The following CFAP210 variants were observed in gnomAD, a reference collection of about 807,000 sequenced individuals.
The protein encoded by CFAP210 is cilia- and flagella- associated protein 210.
chr2:169,674,628 C>G, the CFAP210 span: 1 of 1,609,096 alleles, frequency 6.2e-7, no homozygotes, highest in Non-Finnish European at 8.5e-7. Context: ...CGTTTTTCTG[C>G]TTTTTCTTGT....
the CFAP210 span, among the ~76,000 whole-genome samples, chr2:169,653,054 ATATATATATATATGTATGTGTG>A: frequency 9.7e-5 from 10 of 102,602 alleles, no homozygotes; most frequent in Admixed American, 4.4e-4. Flanking sequence ...ATATATATAT[ATATATATATATATGTATGTGTG>A]TATATATATG....
the CFAP210 span, among the ~76,000 whole-genome samples, chr2:169,680,481 G>T: frequency 6.6e-6 from 1 of 152,172 alleles, no homozygotes; most frequent in Non-Finnish European, 1.5e-5. Context: ...GTTTGTAATA[G>T]CCAAAAAGGG....
the CFAP210 span, among the ~76,000 whole-genome samples, chr2:169,674,222 G>A: frequency 6.6e-6 from 1 of 152,186 alleles, no homozygotes; most frequent in Non-Finnish European, 1.5e-5. Context: ...TACACATGGA[G>A]CGGATCAGAA....
At chr2:169,692,546 C>A in the CFAP210 span, among the ~76,000 whole-genome samples, 1 of 151,604 alleles carries the variant, frequency 6.6e-6, no homozygotes, top group Admixed American at 6.6e-5. Flanking sequence ...TATAATGAAC[C>A]CATTCCCCAG....
At chr2:169,687,403 T>C in the CFAP210 span, among the ~76,000 whole-genome samples, 1 of 152,184 alleles carries the variant, frequency 6.6e-6, no homozygotes, top group African/African-American at 2.4e-5. Flanking sequence ...AGCTAGTTAC[T>C]TCCTAGATAC....
chr2:169,660,421 GTTT>G, the CFAP210 span, among the ~76,000 whole-genome samples: 2 of 148,088 alleles, frequency 1.4e-5, no homozygotes, highest in South Asian at 4.3e-4. Context: ...TCATTTCACT[GTTT>G]TTTTTTGTTT....
the CFAP210 span, among the ~76,000 whole-genome samples, chr2:169,683,801 G>T: frequency 6.6e-6 from 1 of 152,134 alleles, no homozygotes; most frequent in South Asian, 2.1e-4. Flanking sequence ...TCTTTTCATG[G>T]ACTCTGACAC....
At chr2:169,657,923 G>A in the CFAP210 span, among the ~76,000 whole-genome samples, 5 of 151,912 alleles carry the variant, frequency 3.3e-5, no homozygotes, top group African/African-American at 1.2e-4. Context: ...TAAAAGATAA[G>A]CTTTTCATAC....
At chr2:169,664,254 C>G in the CFAP210 span, among the ~76,000 whole-genome samples, 2 of 151,950 alleles carry the variant, frequency 1.3e-5, no homozygotes, top group African/African-American at 4.8e-5. Flanking sequence ...AATTCTAAGA[C>G]CAGAAGCTTT....
At chr2:169,691,502 T>C in the CFAP210 span, among the ~76,000 whole-genome samples, 3 of 152,126 alleles carry the variant, frequency 2.0e-5, no homozygotes, top group Non-Finnish European at 4.4e-5. Flanking sequence ...CCACCCCTAC[T>C]TCTGTAGACA....
At chr2:169,677,464 TAATCTC>T in the CFAP210 span, among the ~76,000 whole-genome samples, 1 of 152,324 alleles carries the variant, frequency 6.6e-6, no homozygotes, top group Non-Finnish European at 1.5e-5. Context: ...AACCTCGTGA[TAATCTC>T]AATAGACATC....
At chr2:169,669,022 T>C in the CFAP210 span, among the ~76,000 whole-genome samples, 474 of 152,304 alleles carry the variant, frequency 3.1e-3, 1 homozygote, top group African/African-American at 0.011. Context: ...AAGGTATGTC[T>C]ATAAATAGAC....
the CFAP210 span, among the ~76,000 whole-genome samples, chr2:169,690,257 G>A: frequency 6.6e-6 from 1 of 152,166 alleles, no homozygotes; most frequent in Non-Finnish European, 1.5e-5. Context: ...TCTGATGTTG[G>A]TATCAGGGTA....
chr2:169,665,090 G>A, the CFAP210 span, among the ~76,000 whole-genome samples: 1 of 152,206 alleles, frequency 6.6e-6, no homozygotes, highest in African/African-American at 2.4e-5. Flanking sequence ...CTGAGGAAAA[G>A]TTTCTGAGCA....
chr2:169,670,887 G>T, the CFAP210 span, among the ~76,000 whole-genome samples: 3 of 152,200 alleles, frequency 2.0e-5, no homozygotes, highest in South Asian at 6.2e-4. Context: ...GAGATAAATT[G>T]GGCTCCATCC....
At chr2:169,661,608 C>T in the CFAP210 span, among the ~76,000 whole-genome samples, 12 of 152,166 alleles carry the variant, frequency 7.9e-5, no homozygotes, top group African/African-American at 2.2e-4. Context: ...ACAACAGACA[C>T]CAAACATAAA....
At chr2:169,672,553 G>C in the CFAP210 span, among the ~76,000 whole-genome samples, 1 of 152,214 alleles carries the variant, frequency 6.6e-6, no homozygotes, top group African/African-American at 2.4e-5. Context: ...CCAGCAAGCT[G>C]CTGGTGCAAG....
At chr2:169,672,161 TAA>T in the CFAP210 span, among the ~76,000 whole-genome samples, 1 of 152,372 alleles carries the variant, frequency 6.6e-6, no homozygotes, top group Non-Finnish European at 1.5e-5. Flanking sequence ...AGCTTGGCGA[TAA>T]GTTTGTAAAC....
chr2:169,647,154 T>C, the CFAP210 span, among the ~76,000 whole-genome samples: 2 of 151,280 alleles, frequency 1.3e-5, no homozygotes, highest in African/African-American at 4.9e-5. Flanking sequence ...GCCAGAGTTT[T>C]AAAAAGTAGA....
Sources: gnomAD v4.1 joint callset for allele counts (sites outside exome capture counted in the v4.1 genomes callset) on GRCh38, gnomAD v4.1.1 for gene constraint, MANE v1.5 for transcripts, NCBI Gene and HGNC (gene_info 2026-07-23, HGNC 2026-07-21) for gene names.